The following FBN2 variants were observed in gnomAD, a reference collection of about 807,000 sequenced individuals.
The protein encoded by FBN2 is fibrillin 2, also known as fibrillin-2.
FBN2 carries 105 observed loss-of-function variants against 355.6 expected under a neutral mutation model. The ratio of observed to expected loss-of-function variants is 0.30; its 90% CI spans 0.25 to 0.35. The LOEUF is 0.35. Ranked by LOEUF, FBN2 falls within the 10% of genes least tolerant of loss-of-function variation. The pLI, the probability that FBN2 is intolerant of heterozygous loss-of-function variation, is 1.00. For missense variants in FBN2, 3,280 were observed against 3,758.7 expected (o/e 0.87, Z 3.33); for synonymous variants, 1,350 against 1,301.2 (o/e 1.04, Z -0.81).
intron 44 of FBN2, 136 bp downstream of exon 44, chr5:128,305,375 A>G (rs757673862): frequency 9.1e-6 from 9 of 988,166 alleles, no homozygotes; most frequent in South Asian, 1.4e-5. Flanking sequence ...TCTAAAAGAT[A>G]TGGTGAAATA....
chr5:128,498,345 C>A (rs1755711983), intron 5 of FBN2, among the ~76,000 whole-genome samples: 1 of 152,208 alleles, frequency 6.6e-6, no homozygotes, highest in Non-Finnish European at 1.5e-5. Context: ...GAATATAGCA[C>A]TTTCCACTGG....
At position 128,408,863 on chromosome 5, in the gene FBN2, AT is replaced by A. The variant is rs770303611; in HGVS notation, c.953-65del. On this transcript the variant is annotated intron_variant, in intron 7 of 64. Transcript: ENST00000262464. ...CTTCATTAAATAGCTTTTAAAAGAG[AT>A]TTTTTTTTTAAGAGTATGAGAGCAT... 4.0e-3 allele frequency: 5,880 copies of A among 1,484,796 alleles called. 2 individuals are homozygous for A. The highest frequency in any genetic ancestry group is 4.6e-3 in the Non-Finnish European group (4,928 of 1,079,558). 92.0% of individuals were successfully genotyped at this position (1,484,796 alleles called of 1,614,324 possible).
At chr5:128,276,229 T>C (rs1209181593) in intron 58 of FBN2, 69 bp from the exon 59 acceptor site, 2 of 1,491,906 alleles carry the variant, frequency 1.3e-6, no homozygotes, top group Non-Finnish European at 1.9e-6. Flanking sequence ...CCTCCTTCCA[T>C]ATTCTCACTT....
At chr5:128,373,926 G>A (rs1480550008) in intron 15 of FBN2, among the ~76,000 whole-genome samples, 1 of 152,094 alleles carries the variant, frequency 6.6e-6, no homozygotes, top group East Asian at 1.9e-4. Flanking sequence ...TGGTGATGAG[G>A]AGTAACATTT....
At chr5:128,314,461 G>A (rs758811398) in intron 36 of FBN2, among the ~76,000 whole-genome samples, 111 of 152,204 alleles carry the variant, frequency 7.3e-4, no homozygotes, top group South Asian at 1.7e-3. Context: ...GGGACTACAG[G>A]TGCCTGCCAC....
At chr5:128,264,927 G>C (rs892068443) in intron 62 of FBN2, among the ~76,000 whole-genome samples, 1 of 152,156 alleles carries the variant, frequency 6.6e-6, no homozygotes, top group Non-Finnish European at 1.5e-5. Context: ...GTTACTGAAA[G>C]GGTAGATATT....
chr5:128,428,203 C>T (rs1020521290), intron 7 of FBN2, among the ~76,000 whole-genome samples: 5 of 152,152 alleles, frequency 3.3e-5, no homozygotes, highest in African/African-American at 1.2e-4. Flanking sequence ...CATGCTTCCC[C>T]ACTTGTTCCC....
At chr5:128,272,224 C>T (rs1765285382) in intron 61 of FBN2, 106 bp from the exon 62 acceptor site, 3 of 1,283,692 alleles carry the variant, frequency 2.3e-6, no homozygotes, top group Middle Eastern at 3.8e-4. Context: ...AACAAACAAA[C>T]AAACAAGACA....
At chr5:128,380,739 C>T (rs989226657) in intron 11 of FBN2, among the ~76,000 whole-genome samples, 1 of 152,054 alleles carries the variant, frequency 6.6e-6, no homozygotes, top group Non-Finnish European at 1.5e-5. Flanking sequence ...TAGTCACAAA[C>T]GACCACTGCC....
intron 36 of FBN2, among the ~76,000 whole-genome samples, chr5:128,316,423 TG>T (rs1266455752): frequency 6.6e-6 from 1 of 152,236 alleles, no homozygotes; most frequent in Admixed American, 6.5e-5. Context: ...TAGATTCCTA[TG>T]GCACTTTTGA....
chr5:128,309,260 T>C lies in FBN2; in HGVS notation c.5340A>G (p.Pro1780=), dbSNP rs1365024587. ...CCGTGTGCTTACCTGTTCCTGGAGT[T>C]GGGCATGGTTCACAAGGTTTGTTCC... ...KAWNKPCEPC[P]TPGTADFKTI... Residue 1780 remains proline (P), a synonymous_variant, in exon 41 of 65, where the codon CCA becomes CCG. Transcript: ENST00000262464. 4 of 1,613,996 alleles carry C rather than the reference T, an allele frequency of 2.5e-6. No homozygotes were observed. The highest frequency in any genetic ancestry group is 3.3e-5 in the Admixed American group (2 of 59,988).
chr5:128,296,760 C>A (rs1306352311), intron 48 of FBN2, among the ~76,000 whole-genome samples: 1 of 152,084 alleles, frequency 6.6e-6, no homozygotes, highest in Non-Finnish European at 1.5e-5. Context: ...AGTGGTCTAT[C>A]AATTTTGTTG....
chr5:128,423,714 T>G (rs1753413400), intron 7 of FBN2, among the ~76,000 whole-genome samples: 1 of 151,950 alleles, frequency 6.6e-6, no homozygotes, highest in Non-Finnish European at 1.5e-5. Flanking sequence ...GGCAGGAACT[T>G]TATCCTGAGA....
At chr5:128,515,826 T>C (rs149582371) in intron 5 of FBN2, among the ~76,000 whole-genome samples, 32 of 152,326 alleles carry the variant, frequency 2.1e-4, no homozygotes, top group Middle Eastern at 3.4e-3. Flanking sequence ...AAAGGAAATG[T>C]TACTAAGCAC....
intron 25 of FBN2, 83 bp from the exon 26 acceptor site, chr5:128,339,144 A>T (rs1561778560): frequency 6.9e-7 from 1 of 1,448,310 alleles, no homozygotes; most frequent in East Asian, 2.3e-5. Flanking sequence ...ATGCTTGAAA[A>T]GTTGGGGAAA....
chr5:128,533,606 T>C (rs1756766353), intron 2 of FBN2, among the ~76,000 whole-genome samples: 1 of 152,182 alleles, frequency 6.6e-6, no homozygotes. Context: ...TGAAGTTTAG[T>C]TGTCACTCTG....
intron 11 of FBN2, among the ~76,000 whole-genome samples, chr5:128,381,000 T>A (rs989254464): frequency 6.6e-6 from 1 of 152,142 alleles, no homozygotes; most frequent in Non-Finnish European, 1.5e-5. Context: ...TGTTAATTTC[T>A]CAAATACTAC....
chr5:128,394,952 ATTTTTGTAT>A (rs1752609126), intron 9 of FBN2, among the ~76,000 whole-genome samples, 161 bp downstream of exon 9: 1 of 152,060 alleles, frequency 6.6e-6, no homozygotes, highest in Non-Finnish European at 1.5e-5. Flanking sequence ...TGCCCGGCTA[ATTTTTGTAT>A]TTTTTGTAGA....
intron 3 of FBN2, among the ~76,000 whole-genome samples, chr5:128,529,104 A>C (rs1756642606): frequency 6.6e-6 from 1 of 152,188 alleles, no homozygotes; most frequent in East Asian, 1.9e-4. Context: ...ACATGCTACT[A>C]AGTTTCAATT....
Sources: gnomAD v4.1 joint callset for allele counts (sites outside exome capture counted in the v4.1 genomes callset) on GRCh38, gnomAD v4.1.1 for gene constraint, MANE v1.5 for transcripts, NCBI Gene and HGNC (gene_info 2026-07-23, HGNC 2026-07-21) for gene names.